Variants in LINGO2 observed in about 807,000 individuals in gnomAD.
The protein encoded by LINGO2 is leucine rich repeat and Ig domain containing 2, also known as leucine-rich repeat and immunoglobulin-like domain-containing nogo receptor-interacting protein 2.
A neutral mutation model predicts 30.6 loss-of-function variants in LINGO2; 14 were observed. The ratio of observed to expected loss-of-function variants is 0.46; its 90% CI spans 0.30 to 0.72. The LOEUF (loss-of-function observed/expected upper bound fraction) is 0.72, where lower values mean the gene tolerates loss of function less well. LINGO2 is among the 30% of genes least tolerant of loss of function. The probability of loss-of-function intolerance (pLI) is 0.07; values close to 1 mark genes in which losing one functional copy is unlikely to be tolerated. For missense variants in LINGO2, 729 were observed against 751.7 expected (o/e 0.97, Z 0.35); for synonymous variants, 317 against 288.5 (o/e 1.10, Z -1.00).
intron 4 of LINGO2, among the ~76,000 whole-genome samples, chr9:28,287,832 C>T (rs1564097425): frequency 6.6e-6 from 1 of 151,882 alleles, no homozygotes; most frequent in African/African-American, 2.4e-5. Context: ...ACTGCTGTGA[C>T]AAAAAACACA....
chr9:28,083,356 T>G (rs1192328752), intron 4 of LINGO2, among the ~76,000 whole-genome samples: 2 of 152,140 alleles, frequency 1.3e-5, no homozygotes, highest in Non-Finnish European at 2.9e-5. Flanking sequence ...TGCCTCTGGG[T>G]GATGGTGAGA....
chr9:28,362,769 C>T (rs1466878594), intron 3 of LINGO2, among the ~76,000 whole-genome samples: 3 of 152,058 alleles, frequency 2.0e-5, no homozygotes, highest in Admixed American at 2.0e-4. Context: ...ACGCCCGACC[C>T]AGAAAAGTTA....
the LINGO2 span, among the ~76,000 whole-genome samples, chr9:28,734,074 C>A: frequency 8.9e-3 from 1,356 of 151,978 alleles, 18 homozygotes; most frequent in African/African-American, 0.028. Flanking sequence ...TTCTCTCTCT[C>A]TATATATATA....
chr9:28,667,839 T>C (rs1354185104), intron 1 of LINGO2, among the ~76,000 whole-genome samples: 1 of 152,170 alleles, frequency 6.6e-6, no homozygotes, highest in Non-Finnish European at 1.5e-5. Context: ...ATAAATGTTC[T>C]TCTTCAACTG....
intron 4 of LINGO2, among the ~76,000 whole-genome samples, chr9:28,176,082 G>T (rs75945097): frequency 1.3e-5 from 2 of 152,112 alleles, no homozygotes; most frequent in Admixed American, 1.3e-4. Context: ...TAGTATTTAG[G>T]ATAAAACGCT....
intron 5 of LINGO2, among the ~76,000 whole-genome samples, chr9:28,010,096 T>A (rs1281681611): frequency 6.6e-6 from 1 of 152,122 alleles, no homozygotes; most frequent in African/African-American, 2.4e-5. Flanking sequence ...AATCTTGATA[T>A]CATTACGCAA....
At chr9:28,479,934 T>G (rs1261489072) in intron 1 of LINGO2, among the ~76,000 whole-genome samples, 32 of 121,060 alleles carry the variant, frequency 2.6e-4, no homozygotes, top group African/African-American at 1.2e-3. Flanking sequence ...TATATATATA[T>G]ATATATATAT....
chr9:28,168,776 A>T (rs1587128302), intron 4 of LINGO2, among the ~76,000 whole-genome samples: 1 of 152,262 alleles, frequency 6.6e-6, no homozygotes, highest in Non-Finnish European at 1.5e-5. Flanking sequence ...ACACGCATGT[A>T]TTACAATTGG....
intron 4 of LINGO2, among the ~76,000 whole-genome samples, chr9:28,106,688 T>G (rs988887078): frequency 6.6e-6 from 1 of 152,116 alleles, no homozygotes; most frequent in African/African-American, 2.4e-5. Flanking sequence ...TACCACAGTG[T>G]TTTAAAATCC....
intron 5 of LINGO2, among the ~76,000 whole-genome samples, chr9:28,012,109 A>G (rs937324411): frequency 1.3e-5 from 2 of 152,160 alleles, no homozygotes; most frequent in Admixed American, 6.6e-5. Context: ...TTAGGACTTC[A>G]TAAAAGGAAA....
chr9:28,061,778 T>A (rs1825152395), intron 4 of LINGO2, among the ~76,000 whole-genome samples: 1 of 152,058 alleles, frequency 6.6e-6, no homozygotes, highest in Non-Finnish European at 1.5e-5. Flanking sequence ...AGGAAAGTGA[T>A]TAAGAACTTC....
At chr9:29,197,379 T>C in the LINGO2 span, among the ~76,000 whole-genome samples, 1 of 152,034 alleles carries the variant, frequency 6.6e-6, no homozygotes, top group Non-Finnish European at 1.5e-5. Context: ...TTCAAAAGTA[T>C]TCTGTATGAT....
the LINGO2 span, among the ~76,000 whole-genome samples, chr9:28,699,842 C>A: frequency 2.0e-5 from 3 of 151,876 alleles, no homozygotes; most frequent in African/African-American, 7.3e-5. Context: ...TCCTGCAGTA[C>A]CCTCAGGCTT....
At chr9:28,565,713 A>C (rs982319552) in intron 1 of LINGO2, among the ~76,000 whole-genome samples, 1 of 149,276 alleles carries the variant, frequency 6.7e-6, no homozygotes, top group Non-Finnish European at 1.5e-5. Context: ...CACCACGCCC[A>C]CCTAATTTTT....
the LINGO2 span, among the ~76,000 whole-genome samples, chr9:29,145,960 G>C: frequency 6.6e-6 from 1 of 152,092 alleles, no homozygotes; most frequent in African/African-American, 2.4e-5. Context: ...GAACATCTCA[G>C]TTCTTTTTAT....
At chr9:28,190,130 C>T (rs1475414089) in intron 4 of LINGO2, among the ~76,000 whole-genome samples, 4 of 152,112 alleles carry the variant, frequency 2.6e-5, no homozygotes, top group Non-Finnish European at 5.9e-5. Flanking sequence ...TTTCAAGTTT[C>T]CTTAGCTCCA....
the LINGO2 span, among the ~76,000 whole-genome samples, chr9:29,176,835 G>T: frequency 6.6e-6 from 1 of 152,202 alleles, no homozygotes; most frequent in African/African-American, 2.4e-5. Flanking sequence ...ACAAGAACCA[G>T]CAGCAGTAAG....
intron 4 of LINGO2, among the ~76,000 whole-genome samples, chr9:28,166,602 A>AT (rs1458223549): frequency 6.6e-6 from 1 of 152,020 alleles, no homozygotes; most frequent in Non-Finnish European, 1.5e-5. Flanking sequence ...GCACAAAAAG[A>AT]TTTTTTTAAT....
the LINGO2 span, among the ~76,000 whole-genome samples, chr9:28,757,470 C>T: frequency 2.0e-5 from 3 of 151,916 alleles, no homozygotes; most frequent in African/African-American, 7.3e-5. Context: ...ATGCTACTTA[C>T]CCAGGTTTGG....
Sources: gnomAD v4.1 joint callset for allele counts (sites outside exome capture counted in the v4.1 genomes callset) on GRCh38, gnomAD v4.1.1 for gene constraint, MANE v1.5 for transcripts, NCBI Gene and HGNC (gene_info 2026-07-23, HGNC 2026-07-21) for gene names.